Variants in LONP1 observed in about 807,000 individuals in gnomAD.
LONP1 encodes the protein lon protease homolog, mitochondrial.
A neutral mutation model predicts 98.5 loss-of-function variants in LONP1; 31 were observed. That is an observed-to-expected ratio of 0.31 (90% confidence interval 0.24 to 0.42). The LOEUF (loss-of-function observed/expected upper bound fraction) is 0.42, where lower values mean the gene tolerates loss of function less well. Among genes scored for constraint, LONP1 ranks in the 20% least tolerant of loss-of-function variants. The probability of loss-of-function intolerance (pLI) is 1.00; values close to 1 mark genes in which losing one functional copy is unlikely to be tolerated. For missense variants in LONP1, 1,336 were observed against 1,350.6 expected (o/e 0.99, Z 0.17); for synonymous variants, 781 against 594.7 (o/e 1.31, Z -4.56).
In LONP1 at chr19:5,692,187, A is replaced by C. The variant is rs1367682053; in HGVS notation, c.2725T>G (p.Cys909Gly). The part of the protein sequence containing the change: ...TIAAKRAGVT[C>G]IVLPAENKKD... ...TTGTTCTCGGCTGGCAGGACGATGCACGTCACCCCTGCGCGCTTGGCCTGG... is the reference window on the plus strand; with the variant it reads ...TTGTTCTCGGCTGGCAGGACGATGCCCGTCACCCCTGCGCGCTTGGCCTGG... Residue 909 changes from cysteine (C) to glycine (G), a missense_variant, in exon 18 of 18, where the codon TGC becomes GGC. Cys to Gly is a radical substitution (Grantham distance 159). This residue lies in a region of LONP1 where 555 missense variants were observed against 542.6 expected (regional missense o/e 1.02). Transcript: ENST00000360614. The C allele has an allele frequency of 6.2e-7, 1 of 1,613,696 alleles. No homozygotes were observed. The highest frequency in any genetic ancestry group is 8.5e-7 in the Non-Finnish European group (1 of 1,179,782).
chr19:5,718,147 T>TG (rs1013913916), intron 1 of LONP1, among the ~76,000 whole-genome samples: 10 of 152,004 alleles, frequency 6.6e-5, no homozygotes, highest in African/African-American at 2.4e-4. Flanking sequence ...GGTCTTGCTC[T>TG]GGGGGCCTGC....
At chr19:5,698,166 GC>G (rs908042929) in intron 10 of LONP1, among the ~76,000 whole-genome samples, 1 of 150,440 alleles carries the variant, frequency 6.6e-6, no homozygotes, top group African/African-American at 2.4e-5. Context: ...CAGAGTGGCC[GC>G]CCCCTGGGGA....
rs1025252513 is a variant in LONP1 at position 5,696,048 on chromosome 19, G to A, written c.2013+6C>T. The A allele has an allele frequency of 1.1e-5, 17 of 1,609,968 alleles. No individual in the cohort carries two copies. In the African/African-American group the frequency reaches 2.0e-4, roughly 19 times the overall value. ...GGGGACAGCAGTGGGGAGGGGCTGG[G>A]CTTACCTCCGCAATGGCCAGCTTCT... On this transcript the variant is annotated splice_donor_region_variant and intron_variant, in intron 13 of 17. Transcript: ENST00000360614.
At position 5,693,420 on chromosome 19, in the gene LONP1, C is replaced by T. The variant is rs375486513; in HGVS notation, c.2581G>A (p.Val861Ile). Residue 861 changes from valine (V) to isoleucine (I), a missense_variant, in exon 17 of 18, where the codon GTC (valine) becomes ATC (isoleucine). Val to Ile is a conservative substitution (Grantham distance 29). Coordinates refer to ENST00000360614, the MANE Select transcript of LONP1 (RefSeq NM_004793.4). ...KDGPSAGCTIVTALLSLAMGR... is the reference protein window; with the variant it reads ...KDGPSAGCTIITALLSLAMGR... ...ATGGCCAGGGACAGCAGGGCCGTGA[C>T]GATGGTGCAGCCTGCGCTTGGGCCG... The T allele has an allele frequency of 3.2e-5, 52 of 1,612,504 alleles. 1 individual carries two copies. Among genetic ancestry groups the T allele is most frequent in the South Asian group, 2.1e-4 (19 of 91,072 alleles).
chr19:5,693,352 G>A lies in LONP1; in HGVS notation c.2649C>T (p.Val883=). The change falls in exon 17 of 18, where the codon GTC becomes GTT. Residue 883 remains valine, a synonymous_variant. Transcript: ENST00000360614. ...VRQNLAMTGE[V]SLTGKILPVG... ...CAGGCAGGATCTTGCCCGTGAGGGA[G>A]ACTTCGCCAGTCATGGCCAGATTCT... The A allele has an allele frequency of 6.2e-7, 1 of 1,613,454 alleles. No individual in the cohort carries two copies.
rs771560839 is a variant in LONP1, at chr19:5,719,850, C to G, written c.283G>C (p.Gly95Arg). 1 of 1,605,490 alleles carries G rather than the reference C, an allele frequency of 6.2e-7. No homozygotes were observed. Among genetic ancestry groups the G allele is most frequent in the East Asian group, 2.2e-5 (1 of 44,554 alleles). ...ASEGGAEEGA[G>R]GAGGSAGAGE... ...GCGCCCGCGCTGCCCCCCGCGCCGCCGGCTCCTTCCTCCGCGCCGCCCTCG... is the reference window on the plus strand; with the variant it reads ...GCGCCCGCGCTGCCCCCCGCGCCGCGGGCTCCTTCCTCCGCGCCGCCCTCG... The change falls in exon 1 of 18, where the codon GGC becomes CGC. Residue 95 changes from glycine to arginine, a missense_variant. Physicochemically the swap from Gly to Arg is moderately radical, Grantham distance 125. Coordinates refer to ENST00000360614, the MANE Select transcript of LONP1 (RefSeq NM_004793.4).
chr19:5,704,078 C>A (rs577021576), intron 8 of LONP1, among the ~76,000 whole-genome samples: 2 of 152,306 alleles, frequency 1.3e-5, no homozygotes, highest in South Asian at 4.1e-4. Flanking sequence ...GGAGAGCATT[C>A]TGGGTGACCC....
intron 4 of LONP1, chr19:5,708,648 G>C: frequency 2.0e-6 from 1 of 504,098 alleles, no homozygotes; most frequent in Non-Finnish European, 3.6e-6. Flanking sequence ...TTACCCCTCA[G>C]AGCCTTGTCC....
chr19:5,693,219 G>A, intron 17 of LONP1, 79 bp downstream of exon 17: 3 of 1,508,688 alleles, frequency 2.0e-6, no homozygotes, highest in Non-Finnish European at 2.7e-6. Flanking sequence ...CCAGGCAGAG[G>A]TTGCATGGCG....
In LONP1 at chr19:5,697,730, A is replaced by G. The variant is rs1176043995; in HGVS notation, c.1686-973T>C. Among the ~76,000 whole-genome samples, 3 of 150,542 alleles carry G rather than the reference A, an allele frequency of 2.0e-5. No homozygotes were observed. The East Asian group carries it at 6.2e-4, about 31-fold the overall frequency. On this transcript the variant is annotated intron_variant, in intron 10 of 17. Transcript: ENST00000360614. ...TTGCTGCTGTTAATAACAACGATCC[A>G]TCGCCCCGCAGCCAGTCTCCTGTCC...
At chr19:5,712,420 C>T (rs1356258616) in intron 3 of LONP1, 7 of 190,264 alleles carry the variant, frequency 3.7e-5, no homozygotes, top group Admixed American at 3.4e-4. Context: ...TCAAGGACAC[C>T]ATCGCAAAGA....
chr19:5,701,309 G>GCCTCTGC (rs971343033), intron 8 of LONP1, among the ~76,000 whole-genome samples: 8 of 151,842 alleles, frequency 5.3e-5, no homozygotes, highest in Non-Finnish European at 1.0e-4. Context: ...TTCTGCCTCT[G>GCCTCTGC]CCTCTGCCCT....
rs140893513 is a variant in LONP1, at chr19:5,693,627, G to A, written c.2463C>T (p.Ala821=). Residue 821 remains alanine (A), a synonymous_variant, in exon 16 of 18, where the codon GCC becomes GCT. Coordinates refer to ENST00000360614, the MANE Select transcript of LONP1 (RefSeq NM_004793.4). The stretch of plus-strand genomic sequence containing the variant: ...GGGCGTGCTGCATGAGGAAGGCTCT[G>A]GCGAAGGTGTAGGCTATGCGGGCGC... The part of the protein sequence containing the change: ...KESARIAYTF[A]RAFLMQHAPA... The A allele has an allele frequency of 0.012, 19,828 of 1,614,070 alleles. 195 individuals are homozygous for A. The highest frequency in any genetic ancestry group is 0.013 in the Non-Finnish European group (15,103 of 1,179,986).
In LONP1 at chr19:5,700,263, G is replaced by A. The variant is rs576069162; in HGVS notation, c.1506+526C>T. Among the ~76,000 whole-genome samples, 22 of 152,146 alleles carry A rather than the reference G, an allele frequency of 1.4e-4. 1 individual carries two copies. The South Asian group carries it at 2.5e-3, about 17-fold the overall frequency. Reference sequence around the variant, plus strand: ...CAAGTAGCTGGGATTACAGGCATGCGCCACCACGCCTAACTAATTTTGTAT... The same window carrying A: ...CAAGTAGCTGGGATTACAGGCATGCACCACCACGCCTAACTAATTTTGTAT... On this transcript the variant is annotated intron_variant, in intron 9 of 17. Transcript: ENST00000360614.
At chr19:5,717,074 G>T (rs1052535339) in intron 1 of LONP1, among the ~76,000 whole-genome samples, 2 of 152,216 alleles carry the variant, frequency 1.3e-5, no homozygotes, top group African/African-American at 4.8e-5. Context: ...GATTGCAGGC[G>T]TGAGCCACCG....
At chr19:5,701,437 TCTC>T (rs1198275090) in intron 8 of LONP1, among the ~76,000 whole-genome samples, 1 of 152,136 alleles carries the variant, frequency 6.6e-6, no homozygotes, top group African/African-American at 2.4e-5. Flanking sequence ...CCTGCCTGGT[TCTC>T]CTGCCTGAGC....
chr19:5,693,188 C>T lies in LONP1; in HGVS notation c.2703+110G>A, dbSNP rs1599442081. 3 of 1,375,554 alleles carry T rather than the reference C, an allele frequency of 2.2e-6. No homozygotes were observed. In the East Asian group the frequency reaches 7.1e-5, roughly 33 times the overall value. The allele number at this position is 1,375,554 out of a possible 1,614,324, so 85.2% of individuals were successfully genotyped here. A position where few individuals can be genotyped will look rare whatever the true frequency, so the allele number is the denominator to read the frequency against. Reference sequence around the variant, plus strand: ...GCCAGAGAGACCTGCTTCCAAAGCCCAGGGCTTCCCTCTCCTTGGCCCAGG... The same window carrying T: ...GCCAGAGAGACCTGCTTCCAAAGCCTAGGGCTTCCCTCTCCTTGGCCCAGG... On this transcript the variant is annotated intron_variant, in intron 17 of 17. Coordinates refer to ENST00000360614, the MANE Select transcript of LONP1 (RefSeq NM_004793.4).
rs1184555866 is a variant in LONP1, at chr19:5,694,835, C to T, written c.2080G>A (p.Asp694Asn). 2 of 1,604,600 alleles carry T rather than the reference C, an allele frequency of 1.2e-6. No individual in the cohort carries two copies. Among genetic ancestry groups the T allele is most frequent in the South Asian group, 2.2e-5 (2 of 90,906 alleles). The change falls in exon 14 of 18, where the codon GAC (aspartate) becomes AAC (asparagine). Residue 694 changes from aspartate to asparagine, a missense_variant. Transcript: ENST00000360614. ...LDESKAKLSS[D>N]VLTLLIKQYC... Reference sequence around the variant, plus strand: ...TGCTTGATGAGCAGCGTCAGCACGTCCGATGACAGCTTGGCCTTGCTCTCA... The same window carrying T: ...TGCTTGATGAGCAGCGTCAGCACGTTCGATGACAGCTTGGCCTTGCTCTCA...
Position 5,694,830 on chromosome 19 carries a change from C to A in LONP1, c.2085G>T (p.Val695=), listed in dbSNP as rs748993124. 2.5e-6 allele frequency: 4 copies of A among 1,603,104 alleles called. No homozygotes were observed. In the South Asian group the frequency reaches 4.4e-5, roughly 18 times the overall value. Residue 695 remains valine, a synonymous_variant, in exon 14 of 18, where the codon GTG becomes GTT. Coordinates refer to ENST00000360614, the MANE Select transcript of LONP1 (RefSeq NM_004793.4). Reference sequence around the variant, plus strand: ...AGTACTGCTTGATGAGCAGCGTCAGCACGTCCGATGACAGCTTGGCCTTGC... The same window carrying A: ...AGTACTGCTTGATGAGCAGCGTCAGAACGTCCGATGACAGCTTGGCCTTGC... ...DESKAKLSSD[V]LTLLIKQYCR... is the part of the protein sequence containing the mutation.
Sources: allele counts gnomAD v4.1 joint callset (sites outside exome capture counted in the v4.1 genomes callset), GRCh38; gene constraint gnomAD v4.1.1; regional missense constraint gnomAD v4.1.1; transcripts MANE v1.5; gene names NCBI Gene and HGNC (gene_info 2026-07-23, HGNC 2026-07-21).